SNX25: variants seen among roughly 807,000 people sequenced by gnomAD.
The protein encoded by SNX25 is sorting nexin 25.
SNX25 carries 62 observed loss-of-function variants against 113.7 expected under a neutral mutation model. The observed-to-expected ratio is 0.55, with a 90% CI of 0.44 to 0.67. The LOEUF (loss-of-function observed/expected upper bound fraction) is 0.67. SNX25 is among the 30% of genes least tolerant of loss of function. SNX25 has a pLI of 0.00. For missense variants in SNX25, 1,014 were observed against 1,161.0 expected (o/e 0.87, Z 1.84); for synonymous variants, 421 against 436.2 (o/e 0.97, Z 0.43).
rs184347867 is a variant in SNX25 at position 185,305,049 on chromosome 4, C to A, written c.1163-5586C>A. On this transcript the variant is annotated intron_variant, in intron 6 of 18. Transcript: ENST00000652585. ...TTCTTGTTAGAGGAGCAGGTTGTAC[C>A]TCTGTATCAGCACTGCTAAGTGGGG... Among the ~76,000 whole-genome samples the A allele has an allele frequency of 1.2e-3, 183 of 152,224 alleles. 1 individual carries two copies. The highest frequency in any genetic ancestry group is 4.3e-3 in the African/African-American group (179 of 41,554).
chr4:185,289,762 G>C (rs1751887755), intron 6 of SNX25, among the ~76,000 whole-genome samples: 1 of 152,180 alleles, frequency 6.6e-6, no homozygotes, highest in Non-Finnish European at 1.5e-5. Context: ...ACACTGGAGA[G>C]GTGTGCTGCC....
rs1319402776 is a variant in SNX25, at chr4:185,310,672, G to A, written c.1200G>A (p.Arg400=). Residue 400 remains arginine (R), a synonymous_variant, in exon 7 of 19, where the codon AGG becomes AGA. Transcript: ENST00000652585. ...ETAAMKADLL[R]ARNMKRYINQ... is the part of the protein sequence containing the mutation. ...CGGCAATGAAAGCTGATCTCCTGAG[G>A]GCCAGGAACATGAAGAGGTACATCA... is the stretch of plus-strand genomic sequence containing the variant. The A allele has an allele frequency of 6.2e-7, 1 of 1,613,680 alleles. No homozygotes were observed. Among genetic ancestry groups the A allele is most frequent in the South Asian group, 1.1e-5 (1 of 90,940 alleles).
At chr4:185,256,598 T>TC (rs1466243718) in intron 2 of SNX25, among the ~76,000 whole-genome samples, 173 of 132,670 alleles carry the variant, frequency 1.3e-3, no homozygotes, top group Non-Finnish European at 2.0e-3. Context: ...CTCCAATCCC[T>TC]CCCCCCAGAG....
intron 11 of SNX25, 135 bp downstream of exon 11, chr4:185,339,645 T>A: frequency 8.6e-7 from 1 of 1,157,330 alleles, no homozygotes; most frequent in Non-Finnish European, 1.2e-6. Flanking sequence ...CCTACCTTCC[T>A]TCCCCCACAA....
chr4:185,362,837 CTTTTTT>C (rs35348535), intron 18 of SNX25, 126 bp downstream of exon 18: 84 of 248,846 alleles, frequency 3.4e-4, no homozygotes, highest in East Asian at 4.8e-4. Flanking sequence ...TCTCCCTTGA[CTTTTTT>C]TTTTTTTTTT....
chr4:185,353,608 C>T lies in SNX25; in HGVS notation c.2584+6C>T. The T allele has an allele frequency of 3.1e-6, 5 of 1,605,320 alleles. No individual in the cohort carries two copies. Among genetic ancestry groups the T allele is most frequent in the Non-Finnish European group, 4.3e-6 (5 of 1,171,970 alleles). ...GATTTTTGAACTTCGAGGAAGTAAGCTTCTTTGTTATTATTTAGTGGTATT... is the reference window on the plus strand; with the variant it reads ...GATTTTTGAACTTCGAGGAAGTAAGTTTCTTTGTTATTATTTAGTGGTATT... On this transcript the variant is annotated splice_donor_region_variant and intron_variant, in intron 15 of 18. Coordinates refer to ENST00000652585, the MANE Select transcript of SNX25 (RefSeq NM_001378034.2).
At chr4:185,358,252 T>C (rs2095347521) in intron 16 of SNX25, among the ~76,000 whole-genome samples, 1 of 152,218 alleles carries the variant, frequency 6.6e-6, no homozygotes, top group Admixed American at 6.5e-5. Context: ...TGTGTGGCCC[T>C]GTCATCTAGC....
chr4:185,362,234 T>C, intron 17 of SNX25, 129 bp downstream of exon 17: 3 of 1,389,160 alleles, frequency 2.2e-6, no homozygotes, highest in Non-Finnish European at 2.8e-6. Flanking sequence ...CATACTCTTT[T>C]AAGCCATTTT....
At chr4:185,219,014 G>T (rs961505904) in intron 1 of SNX25, among the ~76,000 whole-genome samples, 23 of 152,162 alleles carry the variant, frequency 1.5e-4, no homozygotes, top group African/African-American at 4.8e-4. Context: ...ATGTATTTGG[G>T]GATAATCTCA....
intron 5 of SNX25, among the ~76,000 whole-genome samples, chr4:185,277,720 CTTTTTTTTTTTTTTT>C (rs758092952): frequency 1.6e-5 from 1 of 63,502 alleles, no homozygotes; most frequent in East Asian, 7.0e-4. Flanking sequence ...TACTTATTAC[CTTTTTTTTTTTTTTT>C]TTTTTTTTTT....
intron 11 of SNX25, among the ~76,000 whole-genome samples, chr4:185,341,021 G>A (rs141584706): frequency 3.4e-4 from 52 of 152,280 alleles, no homozygotes; most frequent in African/African-American, 1.2e-3. Context: ...CAGTGGGGTG[G>A]TAATCCTGCC....
chr4:185,321,079 T>C (rs10000719), intron 8 of SNX25, among the ~76,000 whole-genome samples: 26,448 of 152,070 alleles, frequency 0.17, 2,907 homozygotes, highest in African/African-American at 0.32. Context: ...GAAAAAAGGT[T>C]TTATAAATGT....
At chr4:185,317,238 C>T (rs1474172904) in intron 7 of SNX25, among the ~76,000 whole-genome samples, 2 of 152,186 alleles carry the variant, frequency 1.3e-5, no homozygotes, top group African/African-American at 4.8e-5. Flanking sequence ...CATCACTGGT[C>T]ATTAGAGAAA....
At chr4:185,357,801 C>T in intron 16 of SNX25, 64 bp downstream of exon 16, 3 of 1,292,988 alleles carry the variant, frequency 2.3e-6, no homozygotes, top group Middle Eastern at 3.7e-4. Context: ...AGTCAAATTA[C>T]CTTATGATCT....
chr4:185,321,899 G>C (rs1429141616), intron 8 of SNX25, among the ~76,000 whole-genome samples: 1 of 152,158 alleles, frequency 6.6e-6, no homozygotes, highest in African/African-American at 2.4e-5. Context: ...AAGTAATCTA[G>C]AGAGGATTTA....
intron 6 of SNX25, among the ~76,000 whole-genome samples, chr4:185,299,743 C>A (rs2126639109): frequency 6.6e-6 from 1 of 152,272 alleles, no homozygotes; most frequent in African/African-American, 2.4e-5. Context: ...AACCAGGTTT[C>A]CCCTGCAGTT....
At chr4:185,230,027 G>A (rs918909959) in intron 1 of SNX25, among the ~76,000 whole-genome samples, 1 of 152,006 alleles carries the variant, frequency 6.6e-6, no homozygotes, top group Non-Finnish European at 1.5e-5. Context: ...ATGAGGTTTC[G>A]CCATGTTGCC....
At chr4:185,336,851 A>T (rs1269942897) in intron 10 of SNX25, among the ~76,000 whole-genome samples, 2 of 152,054 alleles carry the variant, frequency 1.3e-5, no homozygotes, top group Non-Finnish European at 2.9e-5. Flanking sequence ...TATCATGGCC[A>T]TTCTTGCAGG....
At chr4:185,348,735 C>G (rs150785693) in intron 13 of SNX25, among the ~76,000 whole-genome samples, 26 of 152,218 alleles carry the variant, frequency 1.7e-4, no homozygotes, top group African/African-American at 6.0e-4. Flanking sequence ...ATTAAAAAAC[C>G]TTTCTTCTAG....
Sources: gnomAD v4.1 joint callset for allele counts (sites outside exome capture counted in the v4.1 genomes callset) on GRCh38, gnomAD v4.1.1 for gene constraint, MANE v1.5 for transcripts, NCBI Gene and HGNC (gene_info 2026-07-23, HGNC 2026-07-21) for gene names.